The following TNNI3K variants were observed in gnomAD, a reference collection of about 807,000 sequenced individuals.
The protein encoded by TNNI3K is serine/threonine-protein kinase TNNI3K.
TNNI3K carries 140 observed loss-of-function variants against 114.5 expected under a neutral mutation model. The observed-to-expected ratio is 1.22, with a 90% CI of 1.07 to 1.41. The LOEUF is 1.41. Among genes scored for constraint, TNNI3K ranks in the 40% most tolerant of loss-of-function variants. The pLI is 0.00. For synonymous variants in TNNI3K, 347 were observed against 347.5 expected, an observed-to-expected ratio of 1.00 and a Z score of 0.02; for missense variants, 1,125 against 1,007.6, an observed-to-expected ratio of 1.12 and a Z score of -1.58.
intron 11 of TNNI3K, among the ~76,000 whole-genome samples, chr1:74,359,579 C>T (rs1437543454): frequency 6.6e-6 from 1 of 151,750 alleles, no homozygotes; most frequent in Admixed American, 6.6e-5. Flanking sequence ...AGCCTCAGAA[C>T]TGAAGCAAAA....
chr1:74,442,690 TATCTC>T (rs1471971466), intron 20 of TNNI3K, among the ~76,000 whole-genome samples: 2 of 152,116 alleles, frequency 1.3e-5, no homozygotes, highest in African/African-American at 2.4e-5. Context: ...TTATTATACT[TATCTC>T]TATCTATTTT....
chr1:74,513,546 T>G (rs1318959077), intron 23 of TNNI3K, among the ~76,000 whole-genome samples: 1 of 152,192 alleles, frequency 6.6e-6, no homozygotes, highest in Non-Finnish European at 1.5e-5. Context: ...TTTGTCTTCC[T>G]TTTTTTCTCT....
chr1:74,428,173 A>ATT (rs1360438262), intron 17 of TNNI3K, among the ~76,000 whole-genome samples: 1 of 152,082 alleles, frequency 6.6e-6, no homozygotes, highest in African/African-American at 2.4e-5. Flanking sequence ...GTTCACTGAA[A>ATT]TTAGGCTTTC....
At chr1:74,251,445 T>C (rs112774805) in intron 4 of TNNI3K, among the ~76,000 whole-genome samples, 128 of 152,332 alleles carry the variant, frequency 8.4e-4, no homozygotes, top group Non-Finnish European at 1.5e-3. Flanking sequence ...CTAAATATCA[T>C]ACTAAGTTTA....
chr1:74,259,041 T>C (rs900154610), intron 4 of TNNI3K, among the ~76,000 whole-genome samples: 1 of 152,222 alleles, frequency 6.6e-6, no homozygotes, highest in Non-Finnish European at 1.5e-5. Flanking sequence ...ATTTCAGAAA[T>C]GCTGCTCTCA....
chr1:74,327,972 A>G (rs530421026), intron 5 of TNNI3K, among the ~76,000 whole-genome samples: 15 of 151,970 alleles, frequency 9.9e-5, no homozygotes, highest in Admixed American at 4.6e-4. Flanking sequence ...AAATGTTAAT[A>G]ATATATTTAA....
chr1:74,448,473 G>T (rs1407240554), intron 20 of TNNI3K, among the ~76,000 whole-genome samples: 1 of 144,842 alleles, frequency 6.9e-6, no homozygotes, highest in East Asian at 2.0e-4. Flanking sequence ...CTGCCTAATT[G>T]CCCTGGCCAG....
chr1:74,290,754 T>G (rs1657628703), intron 5 of TNNI3K, among the ~76,000 whole-genome samples: 1 of 151,790 alleles, frequency 6.6e-6, no homozygotes, highest in Non-Finnish European at 1.5e-5. Flanking sequence ...TTCTTAAATA[T>G]TCACCTTTAC....
chr1:74,282,554 C>T (rs998889497), intron 5 of TNNI3K, among the ~76,000 whole-genome samples: 18 of 151,994 alleles, frequency 1.2e-4, no homozygotes, highest in African/African-American at 4.1e-4. Context: ...AACTTAATTA[C>T]TTCTTCAAAG....
Position 74,415,675 on chromosome 1 carries a change from A to G in TNNI3K, c.1773-20405A>G, listed in dbSNP as rs192189408. Among the ~76,000 whole-genome samples, 20 of 151,420 alleles carry G rather than the reference A, an allele frequency of 1.3e-4. No homozygotes were observed. The East Asian group carries it at 3.5e-3, about 26-fold the overall frequency. On this transcript the variant is annotated intron_variant, in intron 17 of 24. Transcript: ENST00000326637. ...TACTTTATTGACCTTTATGCTTTAT[A>G]TATTTATACTTTTTTGATATTTTCT...
In TNNI3K at chr1:74,439,586, C is replaced by A. The variant is rs778397151; in HGVS notation, c.1975C>A (p.Leu659Ile). ...CTATGCTCTGTGTCTGTGGGAAATTCTCACTGGCGAAATTCCATTCGCTCA... is the reference window on the plus strand; with the variant it reads ...CTATGCTCTGTGTCTGTGGGAAATTATCACTGGCGAAATTCCATTCGCTCA... ...FSYALCLWEI[L>I]TGEIPFAHLK... The change falls in exon 20 of 25, where the codon CTC becomes ATC. Residue 659 changes from leucine (L) to isoleucine (I), a missense_variant. Physicochemically the swap from Leu to Ile is conservative, Grantham distance 5. Transcript: ENST00000326637. 1.2e-6 allele frequency: 2 copies of A among 1,613,494 alleles called. No homozygotes were observed. The highest frequency in any genetic ancestry group is 1.7e-6 in the Non-Finnish European group (2 of 1,179,648).
chr1:74,471,199 A>C (rs1483065047), intron 21 of TNNI3K: 2 of 400,572 alleles, frequency 5.0e-6, no homozygotes, highest in African/African-American at 4.1e-5. Flanking sequence ...AGCACTGAGC[A>C]GGGGGGCACG....
At chr1:74,339,513 A>C (rs1660647065) in intron 7 of TNNI3K, among the ~76,000 whole-genome samples, 1 of 152,144 alleles carries the variant, frequency 6.6e-6, no homozygotes, top group South Asian at 2.1e-4. Flanking sequence ...ACATAGGAGA[A>C]AGATTAAATA....
chr1:74,260,729 ATT>A (rs1557457580), intron 4 of TNNI3K, among the ~76,000 whole-genome samples: 2 of 152,120 alleles, frequency 1.3e-5, no homozygotes, highest in African/African-American at 4.8e-5. Flanking sequence ...TTTCTGGATT[ATT>A]ACATTCTAAA....
At chr1:74,360,619 T>C (rs1661911141) in intron 11 of TNNI3K, among the ~76,000 whole-genome samples, 1 of 152,084 alleles carries the variant, frequency 6.6e-6, no homozygotes, top group Non-Finnish European at 1.5e-5. Flanking sequence ...GACTTTTACA[T>C]GGCAGTCCAA....
chr1:74,530,424 A>G (rs1396199662), intron 23 of TNNI3K, among the ~76,000 whole-genome samples: 1 of 152,320 alleles, frequency 6.6e-6, no homozygotes, highest in East Asian at 1.9e-4. Flanking sequence ...ATGAGTTGTT[A>G]GGTGGGGCAA....
Position 74,528,114 on chromosome 1 carries a change from C to T in TNNI3K, c.2352-12120C>T, listed in dbSNP as rs544808055. ...GGAGAGAATAGTGGCTCAAGTAAGG[C>T]CAGAGCCCAAGAATGGTAAGCAGGA... On this transcript the variant is annotated intron_variant, in intron 23 of 24. Transcript: ENST00000326637. Among the ~76,000 whole-genome samples the T allele has an allele frequency of 2.0e-4, 30 of 152,176 alleles. No individual in the cohort carries two copies. In the Middle Eastern group the frequency reaches 0.01, roughly 52 times the overall value.
intron 13 of TNNI3K, 182 bp from the exon 14 acceptor site, chr1:74,368,840 G>C: frequency 3.7e-6 from 2 of 540,476 alleles, no homozygotes; most frequent in Non-Finnish European, 6.4e-6. Flanking sequence ...TTTAATGCAG[G>C]GGGGTAGGGA....
At chr1:74,448,828 G>A (rs1157914422) in intron 20 of TNNI3K, among the ~76,000 whole-genome samples, 58 of 65,376 alleles carry the variant, frequency 8.9e-4, no homozygotes, top group African/African-American at 3.0e-3. Flanking sequence ...TGATCATGGT[G>A]GATAAGCTTT....
Sources: gnomAD v4.1 joint callset for allele counts (sites outside exome capture counted in the v4.1 genomes callset) on GRCh38, gnomAD v4.1.1 for gene constraint, MANE v1.5 for transcripts, NCBI Gene and HGNC (gene_info 2026-07-23, HGNC 2026-07-21) for gene names.